PDE6B: variants seen among roughly 807,000 people sequenced by gnomAD.
PDE6B encodes the protein rod cGMP-specific 3',5'-cyclic phosphodiesterase subunit beta.
PDE6B carries 106 observed loss-of-function variants against 109.0 expected under a neutral mutation model. That is an observed-to-expected ratio of 0.97 (90% CI 0.83 to 1.14). The LOEUF is 1.14. PDE6B is among the 50% of genes most tolerant of loss of function. The pLI is 0.00. For missense variants in PDE6B, 1,193 were observed against 1,155.6 expected, an observed-to-expected ratio of 1.03 and a Z score of -0.47; for synonymous variants, 490 against 471.3, an observed-to-expected ratio of 1.04 and a Z score of -0.51.
In PDE6B at chr4:670,457, G is replaced by C. The variant is rs987078557; in HGVS notation, c.*350G>C. On this transcript the variant is annotated 3_prime_UTR_variant, in exon 22 of 22. Transcript: ENST00000496514. ...GGGGTTTCACCATATTGGGCAGGCT[G>C]GTCTCGAACTCCTGACCTCAGGTGA... 1.4e-5 allele frequency: 4 copies of C among 287,544 alleles called. No homozygotes were observed. Among genetic ancestry groups the C allele is most frequent in the Non-Finnish European group, 2.7e-5 (4 of 147,404 alleles). The allele number at this position is 287,544 out of a possible 1,614,324, so 17.8% of individuals were successfully genotyped here. A position where few individuals can be genotyped will look rare whatever the true frequency, so the allele number is the denominator to read the frequency against.
intron 2 of PDE6B, 144 bp downstream of exon 2, chr4:634,973 G>T (rs1577245388): frequency 1.5e-6 from 1 of 660,422 alleles, no homozygotes; most frequent in South Asian, 1.7e-5. Flanking sequence ...CTCCTTACCT[G>T]CCTGCCCGCG....
chr4:650,241 T>C, intron 3 of PDE6B, among the ~76,000 whole-genome samples: 1 of 152,228 alleles, frequency 6.6e-6, no homozygotes, highest in East Asian at 1.9e-4. Flanking sequence ...CACCCAGCAC[T>C]GGATGTTTGG....
chr4:649,728 A>G (rs558061994), intron 3 of PDE6B, among the ~76,000 whole-genome samples: 1 of 152,230 alleles, frequency 6.6e-6, no homozygotes, highest in Non-Finnish European at 1.5e-5. Context: ...CTCCCACCAC[A>G]GCTATGGCCC....
intron 1 of PDE6B, among the ~76,000 whole-genome samples, chr4:632,290 TTG>T (rs1734424932): frequency 7.5e-6 from 1 of 133,758 alleles, no homozygotes; most frequent in Non-Finnish European, 1.6e-5. Flanking sequence ...TTGTGTGGAT[TTG>T]TGTGTGGCAC....
chr4:662,110 CCT>C lies in PDE6B; in HGVS notation c.1615-23_1615-22del. ...GGACTTACACGCTTGCCGCCGGAGCCCTGTGTCCTCTCGGCTCCCCCAGGTCC... is the reference window on the plus strand; with the variant it reads ...GGACTTACACGCTTGCCGCCGGAGCCGTGTCCTCTCGGCTCCCCCAGGTCC... On this transcript the variant is annotated intron_variant, in intron 12 of 21. Coordinates refer to ENST00000496514, the MANE Select transcript of PDE6B (RefSeq NM_000283.4). The surrounding 1 kb of genome is among the most constrained non-coding windows in gnomAD (Gnocchi z 4.3). The C allele has an allele frequency of 8.1e-7, 1 of 1,232,028 alleles. No individual in the cohort carries two copies. The highest frequency in any genetic ancestry group is 1.2e-6 in the Non-Finnish European group (1 of 854,780). 76.3% of individuals were successfully genotyped at this position (1,232,028 alleles called of 1,614,324 possible).
In PDE6B at chr4:663,849, C is replaced by T. The variant is rs1577301521; in HGVS notation, c.2000C>T (p.Thr667Met). The T allele has an allele frequency of 1.9e-6, 3 of 1,611,726 alleles. No individual in the cohort carries two copies. Among genetic ancestry groups the T allele is most frequent in the South Asian group, 2.2e-5 (2 of 91,068 alleles). Residue 667 changes from threonine (T) to methionine (M), a missense_variant, in exon 16 of 22, where the codon ACG becomes ATG. Coordinates refer to ENST00000496514, the MANE Select transcript of PDE6B (RefSeq NM_000283.4). The surrounding 1 kb of genome is among the most constrained non-coding windows in gnomAD (Gnocchi z 4.0). ...CTGATGGACATCGCCATCATCGCCACGGACCTGGCCCTGTACTTCAAGTGC... is the reference window on the plus strand; with the variant it reads ...CTGATGGACATCGCCATCATCGCCATGGACCTGGCCCTGTACTTCAAGTGC... ...IHLMDIAIIA[T>M]DLALYFKKRA...
chr4:656,864 G>A lies in PDE6B; in HGVS notation c.1108-10G>A, dbSNP rs374534089. ...AGGGCGGAGCTCAGCTCTGGACACC[G>A]CTCCCGCAGGAAGGGGCCCTGGACG... On this transcript the variant is annotated splice_polypyrimidine_tract_variant and intron_variant, in intron 8 of 21. Transcript: ENST00000496514. The A allele has an allele frequency of 1.8e-4, 291 of 1,612,342 alleles. 1 individual carries two copies. Among genetic ancestry groups the A allele is most frequent in the Admixed American group, 6.7e-4 (40 of 60,028 alleles).
chr4:658,991 G>C lies in PDE6B; in HGVS notation c.1441G>C (p.Asp481His), dbSNP rs200018423. 1.2e-6 allele frequency: 2 copies of C among 1,613,612 alleles called. No homozygotes were observed. Among genetic ancestry groups the C allele is most frequent in the East Asian group, 2.2e-5 (1 of 44,876 alleles). ...ARLGKEPADC[D>H]EDELGEILKE... ...CCTGGGGAAGGAGCCTGCTGACTGC[G>C]ATGAGGACGAGCTGGGCGAAATCCT... The change falls in exon 11 of 22, where the codon GAT (aspartate) becomes CAT (histidine). Residue 481 changes from aspartate to histidine, a missense_variant. Coordinates refer to ENST00000496514, the MANE Select transcript of PDE6B (RefSeq NM_000283.4).
intron 3 of PDE6B, among the ~76,000 whole-genome samples, chr4:641,417 G>A (rs547061159): frequency 1.0e-3 from 157 of 152,328 alleles, no homozygotes; most frequent in African/African-American, 3.3e-3. Context: ...GGCGGTCAGC[G>A]CAGGAGCCAG....
At chr4:640,351 G>A (rs1000664281) in intron 3 of PDE6B, among the ~76,000 whole-genome samples, 2 of 151,974 alleles carry the variant, frequency 1.3e-5, no homozygotes, top group African/African-American at 4.8e-5. Context: ...GCCTGGCCAA[G>A]ATGGTGAAAC....
In PDE6B at chr4:636,081, G is replaced by A. The variant is rs936162538; in HGVS notation, c.711+112G>A. The A allele has an allele frequency of 1.2e-5, 9 of 725,438 alleles. No homozygotes were observed. The highest frequency in any genetic ancestry group is 1.2e-4 in the African/African-American group (7 of 58,238). The allele number at this position is 725,438 out of a possible 1,614,324, so 44.9% of individuals were successfully genotyped here. Reference sequence around the variant, plus strand: ...GGTGGTCTTGTGCTCACCTGGGTAGGTCCTGGGGTGGGCATTGCTCAGGGG... The same window carrying A: ...GGTGGTCTTGTGCTCACCTGGGTAGATCCTGGGGTGGGCATTGCTCAGGGG... On this transcript the variant is annotated intron_variant, in intron 3 of 21. Transcript: ENST00000496514. This position sits in a 1 kb window ranked among gnomAD's most constrained non-coding sequence, Gnocchi z 4.5.
chr4:664,308 C>T, intron 17 of PDE6B, 87 bp downstream of exon 17: 2 of 794,160 alleles, frequency 2.5e-6, no homozygotes, highest in Non-Finnish European at 4.5e-6. Context: ...CAGCCCTCCC[C>T]AGACGCTCTG....
chr4:657,222 C>T (rs1209864679), intron 9 of PDE6B, 129 bp from the exon 10 acceptor site: 7 of 1,218,666 alleles, frequency 5.7e-6, no homozygotes, highest in African/African-American at 1.5e-5. Context: ...AGACCCCACA[C>T]AGAAGCACTG....
chr4:642,725 C>CAAAAAAAAAAAAAAAAAAA lies in PDE6B; in HGVS notation c.711+6763_711+6781dup, dbSNP rs71636506. ...CCAACCTGGACAACAGACACTGTCT[C>CAAAAAAAAAAAAAAAAAAA]AAAAAAAAAAAAAAAAAAAAAAAAA... On this transcript the variant is annotated intron_variant, in intron 3 of 21. Transcript: ENST00000496514. Among the ~76,000 whole-genome samples the CAAAAAAAAAAAAAAAAAAA allele has an allele frequency of 1.1e-3, 48 of 43,330 alleles. 2 individuals are homozygous for CAAAAAAAAAAAAAAAAAAA. The highest frequency in any genetic ancestry group is 4.1e-3 in the African/African-American group (44 of 10,708). 28.4% of individuals were successfully genotyped at this position (43,330 alleles called of 152,430 possible).
rs1180394855 is a variant in PDE6B at position 660,512 on chromosome 4, C to T, written c.1513C>T (p.His505Tyr). ...GPTTFDIYEF[H>Y]FSDLECTELD... is the part of the protein sequence containing the mutation. ...CACCACATTTGACATCTACGAATTC[C>T]ACTTCTCTGACCTGGAGTGCACCGA... Residue 505 changes from histidine to tyrosine, a missense_variant, in exon 12 of 22, where the codon CAC (histidine) becomes TAC (tyrosine). His to Tyr is a moderately conservative substitution (Grantham distance 83). Coordinates refer to ENST00000496514, the MANE Select transcript of PDE6B (RefSeq NM_000283.4). 2 of 1,613,808 alleles carry T rather than the reference C, an allele frequency of 1.2e-6. No individual in the cohort carries two copies. The highest frequency in any genetic ancestry group is 1.7e-5 in the Admixed American group (1 of 60,014).
rs1304475005 is a variant in PDE6B, at chr4:633,025, A to C, written c.469-1652A>C. 6.6e-6 allele frequency among the ~76,000 whole-genome samples: 1 copy of C among 152,164 alleles called. No homozygotes were observed. The highest frequency in any genetic ancestry group is 2.4e-5 in the African/African-American group (1 of 41,446). The stretch of plus-strand genomic sequence containing the variant: ...AGACTCTGAATTCATCAGGGAGCAC[A>C]CATGGTGGCCACTGTAGCACTGACG... On this transcript the variant is annotated intron_variant, in intron 1 of 21. Coordinates refer to ENST00000496514, the MANE Select transcript of PDE6B (RefSeq NM_000283.4). The surrounding 1 kb of genome is among the most constrained non-coding windows in gnomAD (Gnocchi z 4.5).
chr4:665,693 C>T lies in PDE6B; in HGVS notation c.2268+364C>T, dbSNP rs527785929. Among the ~76,000 whole-genome samples the T allele has an allele frequency of 3.9e-5, 6 of 152,142 alleles. No homozygotes were observed. Among genetic ancestry groups the T allele is most frequent in the African/African-American group, 1.4e-4 (6 of 41,430 alleles). Reference sequence around the variant, plus strand: ...GGCAGAGAACGCATGGGGGGCGTCCCGGGCCCACACAGTGGTATGATGGAC... The same window carrying T: ...GGCAGAGAACGCATGGGGGGCGTCCTGGGCCCACACAGTGGTATGATGGAC... On this transcript the variant is annotated intron_variant, in intron 19 of 21. Transcript: ENST00000496514. The surrounding 1 kb of genome is among the most constrained non-coding windows in gnomAD (Gnocchi z 4.0).
Position 660,816 on chromosome 4 carries a change from TTGGATGGCTGGG to T in PDE6B, c.1614+215_1614+226del, listed in dbSNP as rs572298094. 4.2e-3 allele frequency among the ~76,000 whole-genome samples: 643 copies of T among 151,696 alleles called. 2 individuals are homozygous for T. Among genetic ancestry groups the T allele is most frequent in the African/African-American group, 0.015 (621 of 41,316 alleles). On this transcript the variant is annotated intron_variant, in intron 12 of 21. Coordinates refer to ENST00000496514, the MANE Select transcript of PDE6B (RefSeq NM_000283.4). ...CGGGAAGTAAGCATAAAACAAATAA[TTGGATGGCTGGG>T]TGGATGGCTGGATTGATGGATGGCT...
In PDE6B at chr4:653,576, G is replaced by A. The variant is rs972272664; in HGVS notation, c.712-276G>A. ...GATGTTTGCCTGTCAAGCTCAAAGC[G>A]ACAGATTCCACTTTCCACTCGTCCA... On this transcript the variant is annotated intron_variant, in intron 3 of 21. Coordinates refer to ENST00000496514, the MANE Select transcript of PDE6B (RefSeq NM_000283.4). 2.0e-5 allele frequency: 11 copies of A among 563,156 alleles called. No individual in the cohort carries two copies. The Admixed American group carries it at 2.2e-4, about 11-fold the overall frequency. The allele number at this position is 563,156 out of a possible 1,614,324, so 34.9% of individuals were successfully genotyped here. A position where few individuals can be genotyped will look rare whatever the true frequency, so the allele number is the denominator to read the frequency against.
Sources: allele counts gnomAD v4.1 joint callset (sites outside exome capture counted in the v4.1 genomes callset), GRCh38; gene constraint gnomAD v4.1.1; non-coding constraint Gnocchi (gnomAD v3.1); transcripts MANE v1.5; gene names NCBI Gene and HGNC (gene_info 2026-07-23, HGNC 2026-07-21).